NOS1: variants seen among roughly 807,000 people sequenced by gnomAD.
NOS1 encodes nitric oxide synthase 1, also known as NOS type I.
Under a neutral mutation model 164.5 loss-of-function variants are expected in NOS1, and 51 were observed. That is an observed-to-expected ratio of 0.31 (90% CI 0.25 to 0.39). The LOEUF is 0.39. Among genes scored for constraint, NOS1 ranks in the 10% least tolerant of loss-of-function variants. The pLI is 1.00. For synonymous variants in NOS1, 719 were observed against 745.8 expected (o/e 0.96, Z 0.59); for missense variants, 1,362 against 1,885.6 (o/e 0.72, Z 5.14).
chr12:117,318,342 GC>G (rs771160131), intron 2 of NOS1, among the ~76,000 whole-genome samples: 26 of 152,278 alleles, frequency 1.7e-4, no homozygotes, highest in Non-Finnish European at 3.4e-4. Flanking sequence ...GCAGTAGGCA[GC>G]AAGGTTCCTT....
At position 117,269,460 on chromosome 12, in the gene NOS1, A is replaced by ATTTTTTTTTTTTTTTTTTT. The variant is rs200222625; in HGVS notation, c.1840-1317_1840-1316insAAAAAAAAAAAAAAAAAAA. Among the ~76,000 whole-genome samples the ATTTTTTTTTTTTTTTTTTT allele has an allele frequency of 1.8e-5, 2 of 110,048 alleles. 1 individual carries two copies. 72.2% of individuals were successfully genotyped at this position (110,048 alleles called of 152,430 possible). ...GGCCCAGGGGGCAGGATCTCTGGAG[A>ATTTTTTTTTTTTTTTTTTT]TTTGTTTTTTTTTTTTTTTTTTTTT... On this transcript the variant is annotated intron_variant, in intron 10 of 28. Transcript: ENST00000317775.
At chr12:117,313,982 C>T (rs1224020399) in intron 2 of NOS1, among the ~76,000 whole-genome samples, 1 of 152,146 alleles carries the variant, frequency 6.6e-6, no homozygotes, top group African/African-American at 2.4e-5. Flanking sequence ...ACTCCCCCAT[C>T]CCCCAATCTG....
At chr12:117,284,975 G>C (rs1233437181) in intron 7 of NOS1, among the ~76,000 whole-genome samples, 2 of 151,296 alleles carry the variant, frequency 1.3e-5, no homozygotes, top group Non-Finnish European at 2.9e-5. Flanking sequence ...GCTTGAACCT[G>C]GGAGGCAGAG....
Position 117,268,153 on chromosome 12 carries a change from G to C in NOS1, c.1840-9C>G. On this transcript the variant is annotated splice_polypyrimidine_tract_variant and intron_variant, in intron 10 of 28. Transcript: ENST00000317775. ...ATCTTCTTGGCCACTTCCTGAAAGA[G>C]GAAGGAAACACAGATATACAGGCTG... 1 of 1,590,560 alleles carries C rather than the reference G, an allele frequency of 6.3e-7. No individual in the cohort carries two copies. Among genetic ancestry groups the C allele is most frequent in the East Asian group, 2.2e-5 (1 of 44,772 alleles).
intron 2 of NOS1, among the ~76,000 whole-genome samples, chr12:117,328,512 C>G (rs1875366813): frequency 6.6e-6 from 1 of 152,170 alleles, no homozygotes; most frequent in South Asian, 2.1e-4. Context: ...CCTAGCCTCC[C>G]TATTTAAAAG....
At chr12:117,305,794 T>A (rs1292198731) in intron 3 of NOS1, among the ~76,000 whole-genome samples, 1 of 151,496 alleles carries the variant, frequency 6.6e-6, no homozygotes. Context: ...CCGTGACTTT[T>A]TTTTTTTTTT....
rs552996395 is a variant in NOS1, at chr12:117,209,046, C to T, written c.*6263G>A. 2.3e-5 allele frequency: 23 copies of T among 985,216 alleles called. No individual in the cohort carries two copies. The highest frequency in any genetic ancestry group is 6.2e-5 in the Admixed American group (1 of 16,254). The allele number at this position is 985,216 out of a possible 1,614,324, so 61.0% of individuals were successfully genotyped here. The stretch of plus-strand genomic sequence containing the variant: ...CCTGGGAGGGGTTTTTGAAAGCATA[C>T]TGCCCTCCCCATGCCCCCTCCCCCG... On this transcript the variant is annotated 3_prime_UTR_variant, in exon 29 of 29. Coordinates refer to ENST00000317775, the MANE Select transcript of NOS1 (RefSeq NM_000620.5).
chr12:117,360,684 G>C (rs1847501923), intron 1 of NOS1, among the ~76,000 whole-genome samples: 1 of 152,226 alleles, frequency 6.6e-6, no homozygotes, highest in African/African-American at 2.4e-5. Context: ...CCCAGCCGCG[G>C]ACAGCTGGCA....
intron 1 of NOS1, among the ~76,000 whole-genome samples, chr12:117,355,324 C>A (rs1440000486): frequency 2.0e-5 from 3 of 152,220 alleles, no homozygotes; most frequent in Non-Finnish European, 4.4e-5. Flanking sequence ...CCACCTTTCT[C>A]TTAGGAAATG....
chr12:117,217,984 C>A, intron 28 of NOS1, 62 bp downstream of exon 28: 2 of 1,192,636 alleles, frequency 1.7e-6, no homozygotes, highest in Non-Finnish European at 2.5e-6. Context: ...GACATTCCTG[C>A]CCAGTGGGAC....
chr12:117,272,787 G>A lies in NOS1; in HGVS notation c.1665-228C>T, dbSNP rs577031496. Among the ~76,000 whole-genome samples the A allele has an allele frequency of 6.6e-6, 1 of 152,272 alleles. No homozygotes were observed. The highest frequency in any genetic ancestry group is 2.1e-4 in the South Asian group (1 of 4,820). The stretch of plus-strand genomic sequence containing the variant: ...GTGCTTCGGATGGATATTCAGGCCT[G>A]GAAACTACTGCCTTAGGCTGCTGTT... On this transcript the variant is annotated intron_variant, in intron 9 of 28. Transcript: ENST00000317775. The surrounding 1 kb of genome is among the most constrained non-coding windows in gnomAD (Gnocchi z 4.3).
chr12:117,256,009 G>T, intron 16 of NOS1: 2 of 1,466,868 alleles, frequency 1.4e-6, no homozygotes, highest in Non-Finnish European at 1.8e-6. Context: ...GGCCCTTTAC[G>T]GGGAAAGAAA....
At chr12:117,300,571 T>C (rs11611788) in intron 3 of NOS1, among the ~76,000 whole-genome samples, 9,360 of 152,082 alleles carry the variant, frequency 0.062, 423 homozygotes, top group Non-Finnish European at 0.096. Flanking sequence ...AAGATGCCTC[T>C]GGGATGGAGA....
chr12:117,232,073 G>A lies in NOS1; in HGVS notation c.3294C>T (p.Ala1098=), dbSNP rs74585703. 2.4e-5 allele frequency: 39 copies of A among 1,612,164 alleles called. No individual in the cohort carries two copies. The highest frequency in any genetic ancestry group is 3.3e-5 in the Admixed American group (2 of 59,988). The part of the protein sequence containing the change: ...LRLPPCTIFQ[A]FKYYLDITTP... ...TGGTGATGTCCAGGTAGTACTTGAA[G>A]GCCTGGAAGATGGTGCAGGGCGGGA... Residue 1098 remains alanine, a synonymous_variant, in exon 22 of 29, where the codon GCC becomes GCT. Coordinates refer to ENST00000317775, the MANE Select transcript of NOS1 (RefSeq NM_000620.5).
Position 117,215,256 on chromosome 12 carries a change from C to G in NOS1, c.*53G>C, listed in dbSNP as rs1459310061. ...AGGGGGTCCCAGAGGAAAGGTTCAG[C>G]AGTGTCTGTCCGCGCTTACAAAACT... On this transcript the variant is annotated 3_prime_UTR_variant, in exon 29 of 29. Transcript: ENST00000317775. The G allele has an allele frequency of 2.7e-6, 4 of 1,490,984 alleles. No individual in the cohort carries two copies. In the East Asian group the frequency reaches 9.8e-5, roughly 36 times the overall value. The allele number at this position is 1,490,984 out of a possible 1,614,324, so 92.4% of individuals were successfully genotyped here. A position where few individuals can be genotyped will look rare whatever the true frequency, so the allele number is the denominator to read the frequency against.
intron 23 of NOS1, among the ~76,000 whole-genome samples, chr12:117,227,207 G>A (rs1341847037): frequency 6.6e-6 from 1 of 152,122 alleles, no homozygotes; most frequent in Non-Finnish European, 1.5e-5. Context: ...ATTAGGGGGC[G>A]CCACTGTAAA....
chr12:117,217,626 G>A (rs1360278662), intron 28 of NOS1, among the ~76,000 whole-genome samples: 1 of 151,864 alleles, frequency 6.6e-6, no homozygotes, highest in Non-Finnish European at 1.5e-5. Context: ...AATTGCTTGA[G>A]CCTAGGAGGT....
At chr12:117,260,200 C>A (rs1009905650) in intron 14 of NOS1, among the ~76,000 whole-genome samples, 4 of 152,014 alleles carry the variant, frequency 2.6e-5, no homozygotes, top group Non-Finnish European at 5.9e-5. Context: ...CAAAGCTTCC[C>A]AAACTGACCT....
intron 13 of NOS1, 60 bp from the exon 14 acceptor site, chr12:117,260,669 G>A: frequency 6.4e-7 from 1 of 1,561,160 alleles, no homozygotes; most frequent in Admixed American, 1.8e-5. Context: ...GAAGATGCTG[G>A]ATTGGGACTT....
Sources: allele counts gnomAD v4.1 joint callset (sites outside exome capture counted in the v4.1 genomes callset), GRCh38; gene constraint gnomAD v4.1.1; non-coding constraint Gnocchi (gnomAD v3.1); transcripts MANE v1.5; gene names NCBI Gene and HGNC (gene_info 2026-07-23, HGNC 2026-07-21).